SLC8A1: variants seen among roughly 807,000 people sequenced by gnomAD.
SLC8A1 encodes the protein sodium/calcium exchanger 1.
In SLC8A1, 18 loss-of-function variants were observed where a neutral mutation model predicts 68.3. The observed-to-expected ratio is 0.26, with a 90% CI of 0.18 to 0.39. SLC8A1 has a LOEUF of 0.39. Ranked by LOEUF, SLC8A1 falls within the 10% of genes least tolerant of loss-of-function variation. The pLI is 1.00. For synonymous variants in SLC8A1, 475 were observed against 415.5 expected, an observed-to-expected ratio of 1.14 and a Z score of -1.74; for missense variants, 985 against 1,156.7, an observed-to-expected ratio of 0.85 and a Z score of 2.15.
At chr2:40,430,280 T>C (rs1697977865) in exon 2 of SLC8A1, 2 of 1,603,780 alleles carry the variant, frequency 1.2e-6, no homozygotes, top group Non-Finnish European at 1.7e-6. Flanking sequence ...ATGTTGTACA[T>C]GACACTTCCA....
intron 2 of SLC8A1, among the ~76,000 whole-genome samples, chr2:40,237,702 T>C (rs532351202): frequency 1.1e-4 from 16 of 152,046 alleles, no homozygotes; most frequent in Admixed American, 3.9e-4. Flanking sequence ...AGTTTCCAGT[T>C]TTTCTGTTCT....
chr2:40,273,910 T>A (rs1340570268), intron 2 of SLC8A1, among the ~76,000 whole-genome samples: 2 of 146,688 alleles, frequency 1.4e-5, no homozygotes, highest in Non-Finnish European at 3.0e-5. Flanking sequence ...GCTGTCAGCC[T>A]CTCTCTTGAC....
intron 2 of SLC8A1, among the ~76,000 whole-genome samples, chr2:40,329,082 AC>A (rs2076146203): frequency 1.3e-5 from 2 of 151,632 alleles, no homozygotes. Context: ...ACACACACAC[AC>A]ACACACACAC....
chr2:40,306,861 G>A (rs1393415704), intron 2 of SLC8A1, among the ~76,000 whole-genome samples: 3 of 152,114 alleles, frequency 2.0e-5, no homozygotes, highest in South Asian at 4.1e-4. Context: ...AATCTATGCT[G>A]AAGGAATATT....
At chr2:40,185,579 A>T (rs2050551726) in intron 2 of SLC8A1, among the ~76,000 whole-genome samples, 1 of 152,284 alleles carries the variant, frequency 6.6e-6, no homozygotes, top group South Asian at 2.1e-4. Flanking sequence ...GATTGCCTCA[A>T]GCTGGGGACT....
chr2:40,207,908 G>C (rs1473529291), intron 2 of SLC8A1, among the ~76,000 whole-genome samples: 1 of 151,956 alleles, frequency 6.6e-6, no homozygotes, highest in Non-Finnish European at 1.5e-5. Context: ...TATGTGCTAG[G>C]GCTGCACATA....
intron 2 of SLC8A1, among the ~76,000 whole-genome samples, chr2:40,276,723 A>G (rs540944840): frequency 1.8e-4 from 28 of 152,218 alleles, no homozygotes; most frequent in Non-Finnish European, 3.5e-4. Context: ...ATCTTTCAAA[A>G]TACATTTTTA....
intron 4 of SLC8A1, among the ~76,000 whole-genome samples, chr2:40,172,422 A>G (rs538302789): frequency 6.6e-6 from 1 of 152,300 alleles, no homozygotes; most frequent in South Asian, 2.1e-4. Context: ...AGTTTCAGCC[A>G]TAGGAAGAAC....
At chr2:40,387,910 C>T (rs2192775) in intron 2 of SLC8A1, among the ~76,000 whole-genome samples, 6 of 134,280 alleles carry the variant, frequency 4.5e-5, no homozygotes, top group Non-Finnish European at 9.1e-5. Context: ...GCACTCCAGT[C>T]TGGGCTACAG....
chr2:40,458,661 C>A (rs892587034), intron 1 of SLC8A1, among the ~76,000 whole-genome samples: 1 of 152,208 alleles, frequency 6.6e-6, no homozygotes, highest in African/African-American at 2.4e-5. Context: ...CACTGCAGGA[C>A]GAGGAACCAC....
chr2:40,256,904 G>A (rs1200339246), intron 2 of SLC8A1, among the ~76,000 whole-genome samples: 1 of 152,144 alleles, frequency 6.6e-6, no homozygotes, highest in Admixed American at 6.5e-5. Flanking sequence ...TGAAACTTGA[G>A]AGGGGAGAAT....
At chr2:40,255,168 A>C (rs1450906559) in intron 2 of SLC8A1, 1 of 152,124 alleles carries the variant, frequency 6.6e-6, no homozygotes, top group African/African-American at 2.4e-5. Context: ...GCATGTTAAC[A>C]TGACAAACAA....
intron 2 of SLC8A1, among the ~76,000 whole-genome samples, chr2:40,238,577 C>T (rs186595865): frequency 1.7e-4 from 26 of 152,338 alleles, no homozygotes; most frequent in Admixed American, 6.5e-4. Flanking sequence ...GCGTCGCTCA[C>T]GCTGGGAGCT....
chr2:40,275,851 T>C (rs958961687), intron 2 of SLC8A1, among the ~76,000 whole-genome samples: 3 of 152,144 alleles, frequency 2.0e-5, no homozygotes, highest in African/African-American at 7.2e-5. Flanking sequence ...ATGTTGTTGG[T>C]GAAGTGGGGC....
At chr2:40,143,044 C>A (rs913508031) in intron 6 of SLC8A1, among the ~76,000 whole-genome samples, 1 of 151,912 alleles carries the variant, frequency 6.6e-6, no homozygotes, top group Admixed American at 6.6e-5. Context: ...TGTTTTAATG[C>A]ATAAGTCTGG....
chr2:40,252,933 A>G (rs555989656), intron 2 of SLC8A1, among the ~76,000 whole-genome samples: 1 of 127,276 alleles, frequency 7.9e-6, no homozygotes, highest in Admixed American at 8.0e-5. Context: ...ATACATGTAT[A>G]TGTATGTACA....
intron 2 of SLC8A1, among the ~76,000 whole-genome samples, chr2:40,179,037 A>G (rs958459081): frequency 1.8e-5 from 2 of 113,486 alleles, no homozygotes; most frequent in Admixed American, 8.5e-5. Flanking sequence ...TAAAAATATC[A>G]CAAAGAAAAT....
chr2:40,464,316 G>T (rs1297169652), intron 1 of SLC8A1, among the ~76,000 whole-genome samples: 1 of 152,160 alleles, frequency 6.6e-6, no homozygotes, highest in Non-Finnish European at 1.5e-5. Context: ...CTGAATTCTA[G>T]CATAGAGACA....
chr2:40,377,292 C>G (rs1411093354), intron 2 of SLC8A1, among the ~76,000 whole-genome samples: 2 of 151,970 alleles, frequency 1.3e-5, no homozygotes, highest in East Asian at 1.9e-4. Flanking sequence ...TTGCCAAAAA[C>G]CACATGAGTT....
Sources: gnomAD v4.1 joint callset for allele counts (sites outside exome capture counted in the v4.1 genomes callset) on GRCh38, gnomAD v4.1.1 for gene constraint, MANE v1.5 for transcripts, NCBI Gene and HGNC (gene_info 2026-07-23, HGNC 2026-07-21) for gene names.